Variants in N4BP2L2 observed in about 807,000 individuals in gnomAD.
The protein encoded by N4BP2L2 is NEDD4 binding protein 2 like 2.
Under a neutral mutation model 56.2 loss-of-function variants are expected in N4BP2L2, and 50 were observed. That is an observed-to-expected ratio of 0.89 (90% confidence interval 0.71 to 1.13). The LOEUF (loss-of-function observed/expected upper bound fraction) is 1.13, where lower values mean the gene tolerates loss of function less well. N4BP2L2 is among the 50% of genes most tolerant of loss of function. N4BP2L2 has a pLI of 0.00. For missense variants in N4BP2L2, 689 were observed against 693.8 expected, an observed-to-expected ratio of 0.99 and a Z score of 0.08; for synonymous variants, 203 against 223.6, an observed-to-expected ratio of 0.91 and a Z score of 0.82.
At chr13:32,444,329 A>C (rs1236202589) in intron 6 of N4BP2L2, among the ~76,000 whole-genome samples, 2 of 151,982 alleles carry the variant, frequency 1.3e-5, no homozygotes, top group Non-Finnish European at 2.9e-5. Context: ...CAGTGGTGTG[A>C]TCTTGGTTCA....
In N4BP2L2 at chr13:32,517,893, CTT is replaced by C; in HGVS notation, c.1659_1660del (p.Ser554HisfsTer21). On this transcript the variant is annotated frameshift_variant, in exon 6 of 6. Transcript: ENST00000267068. LOFTEE classifies it high-confidence loss of function. ...CTGTGGAGGAGGAGGTCTTTGTGTGCTTTTGTGTGATGGTTCCACTGAATTCA... is the reference window on the plus strand; with the variant it reads ...CTGTGGAGGAGGAGGTCTTTGTGTGCTTGTGTGATGGTTCCACTGAATTCA... 1 of 1,614,070 alleles carries C rather than the reference CTT, an allele frequency of 6.2e-7. No homozygotes were observed. Among genetic ancestry groups the C allele is most frequent in the Non-Finnish European group, 8.5e-7 (1 of 1,179,992 alleles).
intron 1 of N4BP2L2, among the ~76,000 whole-genome samples, chr13:32,538,066 G>A (rs1378669982): frequency 1.0e-5 from 1 of 98,410 alleles, no homozygotes; most frequent in South Asian, 5.2e-4. Context: ...GGGAGACCCC[G>A]TCTTGGGGGG....
chr13:32,536,296 G>A (rs1285465134), exon 2 of N4BP2L2: 14 of 1,613,372 alleles, frequency 8.7e-6, no homozygotes, highest in Non-Finnish European at 1.2e-5. Context: ...AGGGATATTT[G>A]TCTGGCTCAT....
intron 5 of N4BP2L2, 25 bp downstream of exon 5, chr13:32,521,348 T>C: frequency 2.0e-6 from 3 of 1,500,760 alleles, no homozygotes; most frequent in South Asian, 2.3e-5. Context: ...AAGTTAAGGA[T>C]TCAATAAAAA....
chr13:32,515,671 C>T (rs924769417), exon 6 of N4BP2L2: 1 of 86,630 alleles, frequency 1.2e-5, no homozygotes, highest in African/African-American at 3.0e-5. Context: ...CATATTTCCT[C>T]ATAATCTGTT....
intron 6 of N4BP2L2, among the ~76,000 whole-genome samples, chr13:32,485,031 C>A (rs2085571275): frequency 6.6e-6 from 1 of 152,204 alleles, no homozygotes; most frequent in Admixed American, 6.5e-5. Context: ...AAACTGACAT[C>A]TTGGTACACT....
rs367731090 is a variant in N4BP2L2 at position 32,535,809 on chromosome 13, A to G, written c.1219T>C (p.Leu407=). ...TTCCCAGAACCAGGCAGACCTCTTA[A>G]AAGAATAAGTAACTTCTGCAATTTA... Residue 407 remains leucine (L), a synonymous_variant, in exon 2 of 6, where the codon TTA becomes CTA. Coordinates refer to ENST00000267068, the Ensembl canonical transcript of N4BP2L2. 21 of 1,614,014 alleles carry G rather than the reference A, an allele frequency of 1.3e-5. No individual in the cohort carries two copies. In the African/African-American group the frequency reaches 2.7e-4, roughly 21 times the overall value.
At chr13:32,495,264 T>A (rs549791561) in intron 6 of N4BP2L2, among the ~76,000 whole-genome samples, 6 of 152,160 alleles carry the variant, frequency 3.9e-5, no homozygotes, top group Non-Finnish European at 7.4e-5. Flanking sequence ...TGGCAAATAG[T>A]GTCCTGAGCC....
chr13:32,503,563 G>A (rs1324264532), intron 6 of N4BP2L2, among the ~76,000 whole-genome samples: 2 of 152,158 alleles, frequency 1.3e-5, no homozygotes, highest in African/African-American at 2.4e-5. Context: ...GCATGTAAAA[G>A]TGGTGCAATA....
exon 7 of N4BP2L2, chr13:32,442,720 A>C (rs1323310694): frequency 1.2e-6 from 2 of 1,613,744 alleles, no homozygotes; most frequent in Middle Eastern, 1.6e-4. Context: ...TGGCTTCCAA[A>C]TACTAGATAA....
intron 5 of N4BP2L2, among the ~76,000 whole-genome samples, chr13:32,518,574 A>G (rs1792818730): frequency 6.6e-6 from 1 of 152,222 alleles, no homozygotes; most frequent in African/African-American, 2.4e-5. Context: ...GATAAAAGGC[A>G]AAACTAAACT....
chr13:32,496,251 G>A (rs1347191961), intron 6 of N4BP2L2, among the ~76,000 whole-genome samples: 1 of 150,712 alleles, frequency 6.6e-6, no homozygotes, highest in African/African-American at 2.4e-5. Flanking sequence ...ACTTAGCCCT[G>A]CTGAAAACAA....
intron 3 of N4BP2L2, chr13:32,523,017 T>C (rs1398931178): frequency 1.3e-5 from 2 of 152,178 alleles, no homozygotes; most frequent in Non-Finnish European, 2.9e-5. Context: ...GGTCCTCAAA[T>C]TGTGAGTTGC....
Position 32,520,516 on chromosome 13 carries a change from G to A in N4BP2L2, c.1550+857C>T, listed in dbSNP as rs1414580326. 8.6e-5 allele frequency among the ~76,000 whole-genome samples: 13 copies of A among 151,846 alleles called. No homozygotes were observed. In the East Asian group the frequency reaches 1.7e-3, roughly 20 times the overall value. The stretch of plus-strand genomic sequence containing the variant: ...TACTAAAAATACAAAAAAATTAGCC[G>A]GGAGTGGTGGCCAGCACCTATAGTC... On this transcript the variant is annotated intron_variant, in intron 5 of 5. Transcript: ENST00000267068.
intron 6 of N4BP2L2, among the ~76,000 whole-genome samples, chr13:32,494,248 A>T (rs943870967): frequency 1.3e-5 from 2 of 151,982 alleles, no homozygotes; most frequent in African/African-American, 2.4e-5. Context: ...GCGTCACTCC[A>T]CTCTAACCTG....
intron 7 of N4BP2L2, among the ~76,000 whole-genome samples, chr13:32,442,175 A>C (rs907943632): frequency 6.6e-6 from 1 of 152,182 alleles, no homozygotes; most frequent in African/African-American, 2.4e-5. Context: ...TAAGTTCTCA[A>C]AGACATTGAA....
At chr13:32,526,606 T>A (rs1416072014) in intron 3 of N4BP2L2, among the ~76,000 whole-genome samples, 2 of 152,168 alleles carry the variant, frequency 1.3e-5, no homozygotes, top group African/African-American at 4.8e-5. Flanking sequence ...AAATTTTTCA[T>A]AATAAAAGCT....
intron 6 of N4BP2L2, among the ~76,000 whole-genome samples, chr13:32,463,982 G>A (rs1221379170): frequency 7.0e-6 from 1 of 141,876 alleles, no homozygotes; most frequent in African/African-American, 2.6e-5. Flanking sequence ...ACACTGCATA[G>A]TAACTCAAAT....
At chr13:32,516,912 T>G in exon 6 of N4BP2L2, 6 of 984,930 alleles carry the variant, frequency 6.1e-6, no homozygotes, top group African/African-American at 1.7e-5. Context: ...TCTCAGTTTT[T>G]AATTTTATAT....
Sources: allele counts gnomAD v4.1 joint callset (sites outside exome capture counted in the v4.1 genomes callset), GRCh38; gene constraint gnomAD v4.1.1; transcripts MANE v1.5; gene names NCBI Gene and HGNC (gene_info 2026-07-23, HGNC 2026-07-21).